The following DPYD variants were observed in gnomAD, a reference collection of about 807,000 sequenced individuals.
DPYD encodes the protein dihydropyrimidine dehydrogenase [NADP(+)].
In DPYD, 109 loss-of-function variants were observed where a neutral mutation model predicts 116.2. The ratio of observed to expected loss-of-function variants is 0.94; its 90% CI spans 0.80 to 1.10. DPYD has a LOEUF of 1.10. Among genes scored for constraint, DPYD ranks in the 50% least tolerant of loss-of-function variants. The probability of loss-of-function intolerance (pLI) is 0.00; values close to 1 mark genes in which losing one functional copy is unlikely to be tolerated. For synonymous variants in DPYD, 440 were observed against 432.0 expected (o/e 1.02, Z -0.23); for missense variants, 1,302 against 1,254.5 (o/e 1.04, Z -0.57).
intron 16 of DPYD, among the ~76,000 whole-genome samples, chr1:97,338,388 C>A (rs1669410765): frequency 6.6e-6 from 1 of 152,058 alleles, no homozygotes; most frequent in East Asian, 1.9e-4. Flanking sequence ...TGTGAGGATT[C>A]ATTTATCTTG....
At chr1:97,664,726 C>T (rs1479520750) in intron 8 of DPYD, among the ~76,000 whole-genome samples, 2 of 152,002 alleles carry the variant, frequency 1.3e-5, no homozygotes, top group Non-Finnish European at 2.9e-5. Context: ...CCTACAGAAA[C>T]AAGGGTCTTC....
At chr1:97,371,663 A>G (rs1358789911) in intron 16 of DPYD, among the ~76,000 whole-genome samples, 3 of 152,250 alleles carry the variant, frequency 2.0e-5, no homozygotes, top group African/African-American at 7.2e-5. Flanking sequence ...AATATGGAAC[A>G]TTCATGTGTC....
At chr1:97,589,456 C>T (rs1254078632) in intron 10 of DPYD, among the ~76,000 whole-genome samples, 2 of 152,196 alleles carry the variant, frequency 1.3e-5, no homozygotes, top group Non-Finnish European at 2.9e-5. Flanking sequence ...ACTTCTCCTT[C>T]CTGCCACCTT....
intron 16 of DPYD, among the ~76,000 whole-genome samples, chr1:97,364,255 A>G (rs75995514): frequency 0.1 from 15,391 of 152,220 alleles, 842 homozygotes; most frequent in East Asian, 0.19. Context: ...ACTTAATAGA[A>G]GGTTAGACAT....
chr1:97,227,269 G>A (rs900211834), intron 19 of DPYD, among the ~76,000 whole-genome samples: 1 of 139,400 alleles, frequency 7.2e-6, no homozygotes, highest in Non-Finnish European at 1.5e-5. Flanking sequence ...GGAGATTGCA[G>A]TGAGCCGAGA....
chr1:97,570,051 TATC>T (rs1441756318), intron 11 of DPYD, among the ~76,000 whole-genome samples: 1 of 152,048 alleles, frequency 6.6e-6, no homozygotes, highest in Non-Finnish European at 1.5e-5. Flanking sequence ...TTGAGGCACT[TATC>T]ATTTTATGAT....
intron 3 of DPYD, among the ~76,000 whole-genome samples, chr1:97,788,740 C>T (rs77073430): frequency 0.022 from 3,324 of 152,258 alleles, 56 homozygotes; most frequent in Middle Eastern, 0.044. Context: ...AGGCAATTCC[C>T]CTGAATTCTC....
intron 10 of DPYD, among the ~76,000 whole-genome samples, chr1:97,578,251 C>T (rs1418862530): frequency 1.3e-5 from 2 of 152,056 alleles, no homozygotes; most frequent in Non-Finnish European, 2.9e-5. Context: ...AATCTTCACA[C>T]AGAAAATACA....
intron 12 of DPYD, among the ~76,000 whole-genome samples, chr1:97,524,361 G>A (rs1648901338): frequency 1.3e-5 from 2 of 152,306 alleles, no homozygotes; most frequent in Admixed American, 1.3e-4. Context: ...TGCCATGGGT[G>A]TGAAGTTGGA....
chr1:97,392,042 C>T (rs965886437), intron 14 of DPYD, among the ~76,000 whole-genome samples: 2 of 151,960 alleles, frequency 1.3e-5, no homozygotes, highest in African/African-American at 4.8e-5. Context: ...CTGTGTGAAT[C>T]AGGGAAGGCA....
chr1:97,416,844 C>T (rs1287037106), intron 14 of DPYD, among the ~76,000 whole-genome samples: 1 of 152,122 alleles, frequency 6.6e-6, no homozygotes, highest in African/African-American at 2.4e-5. Flanking sequence ...TTAGGTAGAC[C>T]TTCGCTTCAT....
At chr1:97,439,054 T>C (rs994070135) in intron 14 of DPYD, among the ~76,000 whole-genome samples, 3 of 152,138 alleles carry the variant, frequency 2.0e-5, no homozygotes, top group African/African-American at 7.2e-5. Context: ...TTTCCTACTA[T>C]TAATTTGCTG....
rs1268953803 is a variant in DPYD, at chr1:97,256,563, T to TG, written c.2300-21570_2300-21569insC. ...GCTGTTATCCACGTTAAGATGTGAC[T>TG]TGCTCCTCCTTGCCTTCCACCATGA... On this transcript the variant is annotated intron_variant, in intron 18 of 22. Transcript: ENST00000370192. 1.1e-4 allele frequency among the ~76,000 whole-genome samples: 17 copies of TG among 152,226 alleles called. No homozygotes were observed. In the Middle Eastern group the frequency reaches 0.01, roughly 91 times the overall value.
At chr1:97,325,132 T>G (rs1375973647) in intron 16 of DPYD, among the ~76,000 whole-genome samples, 1 of 152,062 alleles carries the variant, frequency 6.6e-6, no homozygotes, top group East Asian at 1.9e-4. Context: ...TTTTGCAATA[T>G]TCAACAAATG....
rs576684190 is a variant in DPYD, at chr1:97,412,991, C to A, written c.1906-30530G>T. Among the ~76,000 whole-genome samples, 3 of 152,262 alleles carry A rather than the reference C, an allele frequency of 2.0e-5. No homozygotes were observed. In the East Asian group the frequency reaches 5.8e-4, roughly 29 times the overall value. On this transcript the variant is annotated intron_variant, in intron 14 of 22. Transcript: ENST00000370192. ...TATGTCCCCACATGTCTCATAAATT[C>A]TTCTAATGCATTTTCACATCCATGA...
chr1:97,675,380 T>G (rs1196546698), intron 8 of DPYD, among the ~76,000 whole-genome samples: 3 of 152,208 alleles, frequency 2.0e-5, no homozygotes, highest in Non-Finnish European at 2.9e-5. Context: ...CAGACTAATT[T>G]TGAATAAGAC....
At chr1:97,351,464 C>T (rs1208138947) in intron 16 of DPYD, among the ~76,000 whole-genome samples, 5 of 150,718 alleles carry the variant, frequency 3.3e-5, no homozygotes, top group African/African-American at 1.2e-4. Context: ...ATCAAAGTGG[C>T]AAGAAAAGAA....
intron 4 of DPYD, among the ~76,000 whole-genome samples, chr1:97,738,691 GTT>G (rs72344193): frequency 6.4e-5 from 9 of 141,416 alleles, no homozygotes; most frequent in African/African-American, 1.0e-4. Context: ...AATTAGGAGA[GTT>G]TTTTTTTTTT....
chr1:97,258,838 T>C (rs187896321), intron 18 of DPYD, among the ~76,000 whole-genome samples: 1 of 152,256 alleles, frequency 6.6e-6, no homozygotes, highest in East Asian at 1.9e-4. Context: ...TAGCAGATGG[T>C]CATTTAAGAA....
Sources: allele counts gnomAD v4.1 joint callset (sites outside exome capture counted in the v4.1 genomes callset), GRCh38; gene constraint gnomAD v4.1.1; transcripts MANE v1.5; gene names NCBI Gene and HGNC (gene_info 2026-07-23, HGNC 2026-07-21).